Variants in PDE1A observed in about 807,000 individuals in gnomAD.
PDE1A encodes phosphodiesterase 1A.
In PDE1A, 35 loss-of-function variants were observed where a neutral mutation model predicts 61.7. The ratio of observed to expected loss-of-function variants is 0.57; its 90% CI spans 0.43 to 0.75. The LOEUF is 0.75. Among genes scored for constraint, PDE1A ranks in the 30% least tolerant of loss-of-function variants. The pLI, the probability that PDE1A is intolerant of heterozygous loss-of-function variation, is 0.00. For synonymous variants in PDE1A, 232 were observed against 213.2 expected (o/e 1.09, Z -0.77); for missense variants, 597 against 630.6 (o/e 0.95, Z 0.57).
At chr2:182,267,472 A>G (rs570803714) in intron 1 of PDE1A, among the ~76,000 whole-genome samples, 28 of 150,130 alleles carry the variant, frequency 1.9e-4, no homozygotes, top group Non-Finnish European at 3.4e-4. Flanking sequence ...TATATTCACT[A>G]TGCCAACCCC....
chr2:182,166,391 G>A (rs1691654991), downstream of PDE1A, among the ~76,000 whole-genome samples: 1 of 152,170 alleles, frequency 6.6e-6, no homozygotes. Flanking sequence ...TTTCTGAGTA[G>A]GAAACTTCCA....
intron 7 of PDE1A, among the ~76,000 whole-genome samples, chr2:182,220,810 T>TATAAA (rs1483019477): frequency 6.6e-6 from 1 of 152,012 alleles, no homozygotes; most frequent in Non-Finnish European, 1.5e-5. Context: ...CAATGAATAA[T>TATAAA]ATAAAATAAA....
chr2:182,196,899 A>T (rs1686179472), intron 10 of PDE1A, among the ~76,000 whole-genome samples: 1 of 151,740 alleles, frequency 6.6e-6, no homozygotes, highest in African/African-American at 2.4e-5. Context: ...TATATAAGAC[A>T]TTTGGTGGGC....
At chr2:182,561,761 A>G in the PDE1A span, among the ~76,000 whole-genome samples, 4 of 151,984 alleles carry the variant, frequency 2.6e-5, no homozygotes, top group Non-Finnish European at 5.9e-5. Context: ...CTCCTTGAAG[A>G]GGTCCTTCAC....
intron 1 of PDE1A, among the ~76,000 whole-genome samples, chr2:182,397,325 AT>A (rs1388991096): frequency 2.6e-5 from 4 of 152,290 alleles, no homozygotes; most frequent in Admixed American, 2.6e-4. Flanking sequence ...AAACAGTTCA[AT>A]ATTGGCAATT....
At chr2:182,346,343 T>C (rs562083200) in intron 1 of PDE1A, among the ~76,000 whole-genome samples, 1 of 152,094 alleles carries the variant, frequency 6.6e-6, no homozygotes, top group Non-Finnish European at 1.5e-5. Context: ...AACACAAGGA[T>C]AGATTAAGAA....
chr2:182,321,719 A>G (rs1015405241), intron 1 of PDE1A, among the ~76,000 whole-genome samples: 9 of 152,168 alleles, frequency 5.9e-5, no homozygotes, highest in African/African-American at 1.9e-4. Flanking sequence ...ACTTGCATCT[A>G]GAAGGATTCT....
At chr2:182,710,617 T>C in the PDE1A span, among the ~76,000 whole-genome samples, 1 of 152,250 alleles carries the variant, frequency 6.6e-6, no homozygotes, top group African/African-American at 2.4e-5. Flanking sequence ...TGCCTTTCTG[T>C]ATTTGGATTA....
intron 13 of PDE1A, among the ~76,000 whole-genome samples, chr2:182,177,243 A>G (rs546676934): frequency 6.6e-6 from 1 of 152,272 alleles, no homozygotes; most frequent in East Asian, 1.9e-4. Flanking sequence ...ATTGATTGGA[A>G]TAGTTTCGGA....
the PDE1A span, among the ~76,000 whole-genome samples, chr2:182,682,187 G>A: frequency 6.6e-6 from 1 of 152,282 alleles, no homozygotes; most frequent in South Asian, 2.1e-4. Flanking sequence ...CAGGCATTTG[G>A]TCTAGGTCCA....
At chr2:182,643,794 G>A in the PDE1A span, among the ~76,000 whole-genome samples, 1 of 152,220 alleles carries the variant, frequency 6.6e-6, no homozygotes, top group South Asian at 2.1e-4. Flanking sequence ...TTAAATGAAA[G>A]AATTGATATG....
chr2:182,585,486 C>G, the PDE1A span, among the ~76,000 whole-genome samples: 1 of 152,158 alleles, frequency 6.6e-6, no homozygotes, highest in Non-Finnish European at 1.5e-5. Context: ...GGTTTGAGCA[C>G]TTTTATTTCC....
chr2:182,587,766 C>T, the PDE1A span, among the ~76,000 whole-genome samples: 1 of 152,068 alleles, frequency 6.6e-6, no homozygotes, highest in African/African-American at 2.4e-5. Flanking sequence ...GCCACAATAA[C>T]TCAATTTTTA....
chr2:182,683,636 A>T, the PDE1A span, among the ~76,000 whole-genome samples: 1 of 152,348 alleles, frequency 6.6e-6, no homozygotes, highest in East Asian at 1.9e-4. Context: ...TATATCAAAA[A>T]CTGTTTAAAT....
At chr2:182,152,241 T>C (rs781123975) in intron 13 of PDE1A, among the ~76,000 whole-genome samples, 1 of 152,092 alleles carries the variant, frequency 6.6e-6, no homozygotes, top group Admixed American at 6.6e-5. Context: ...CTAGAATAAA[T>C]TGGTGATCAA....
chr2:182,323,742 G>A (rs1214144319), intron 1 of PDE1A, among the ~76,000 whole-genome samples: 1 of 152,200 alleles, frequency 6.6e-6, no homozygotes, highest in Non-Finnish European at 1.5e-5. Flanking sequence ...AAGGAGGATA[G>A]TAACGCAAGT....
intron 1 of PDE1A, among the ~76,000 whole-genome samples, chr2:182,347,348 G>A (rs1242446386): frequency 2.0e-5 from 3 of 151,916 alleles, no homozygotes; most frequent in African/African-American, 7.3e-5. Context: ...AATTTAAAGG[G>A]GTAAACTCAG....
intron 13 of PDE1A, among the ~76,000 whole-genome samples, chr2:182,160,458 A>G (rs1423204539): frequency 6.6e-6 from 1 of 152,164 alleles, no homozygotes; most frequent in African/African-American, 2.4e-5. Flanking sequence ...CGTCTTGCTC[A>G]GCTTTTTCTT....
chr2:182,203,686 C>T (rs910154550), intron 8 of PDE1A, among the ~76,000 whole-genome samples: 19 of 151,836 alleles, frequency 1.3e-4, no homozygotes, highest in Non-Finnish European at 2.6e-4. Flanking sequence ...AATAATTAGG[C>T]AAAATAAGAA....
Sources: gnomAD v4.1 joint callset for allele counts (sites outside exome capture counted in the v4.1 genomes callset) on GRCh38, gnomAD v4.1.1 for gene constraint, MANE v1.5 for transcripts, NCBI Gene and HGNC (gene_info 2026-07-23, HGNC 2026-07-21) for gene names.